The following DBX2 variants were observed in gnomAD, a reference collection of about 807,000 sequenced individuals.
DBX2 encodes the protein homeobox protein DBX2.
In DBX2, 16 loss-of-function variants were observed where a neutral mutation model predicts 17.7. The observed-to-expected ratio is 0.90, with a 90% CI of 0.61 to 1.37. The LOEUF is 1.37. DBX2 is among the 40% of genes most tolerant of loss of function. The pLI is 0.00. For synonymous variants in DBX2, 255 were observed against 183.8 expected, an observed-to-expected ratio of 1.39 and a Z score of -3.13; for missense variants, 538 against 433.8, an observed-to-expected ratio of 1.24 and a Z score of -2.13.
chr12:45,050,221 C>T (rs1391580468), intron 1 of DBX2, among the ~76,000 whole-genome samples: 1 of 152,188 alleles, frequency 6.6e-6, no homozygotes, highest in East Asian at 1.9e-4. Flanking sequence ...GCCGTAGAAC[C>T]CTCAGAGTTT....
At chr12:45,021,624 C>T (rs982012671) in intron 3 of DBX2, among the ~76,000 whole-genome samples, 1 of 152,152 alleles carries the variant, frequency 6.6e-6, no homozygotes, top group African/African-American at 2.4e-5. Context: ...CTTCTTACAC[C>T]ACTGAGTGGC....
chr12:45,020,690 T>TACAC lies in DBX2; in HGVS notation c.687+3013_687+3016dup, dbSNP rs1555141173. On this transcript the variant is annotated intron_variant, in intron 3 of 3. Coordinates refer to ENST00000332700, the MANE Select transcript of DBX2 (RefSeq NM_001004329.3). ...GTATATATATGTATATATATATATATACACACACACACACACAATTCTCAG... is the reference window on the plus strand; with the variant it reads ...GTATATATATGTATATATATATATATACACACACACACACACACACAATTCTCAG... 6.1e-5 allele frequency among the ~76,000 whole-genome samples: 9 copies of TACAC among 148,474 alleles called. No homozygotes were observed. The East Asian group carries it at 1.6e-3, about 26-fold the overall frequency.
rs368973625 is a variant in DBX2, at chr12:45,031,258, T to C, written c.499+4761A>G. Among the ~76,000 whole-genome samples, 114 of 85,452 alleles carry C rather than the reference T, an allele frequency of 1.3e-3. 1 individual carries two copies. The highest frequency in any genetic ancestry group is 2.6e-3 in the Non-Finnish European group (81 of 31,526). 56.1% of individuals were successfully genotyped at this position (85,452 alleles called of 152,430 possible). ...AGAGAGAGAGAGAGAGAGAGAGAGATGTAATTTTTGCAGATCTTAAGTTTG... is the reference window on the plus strand; with the variant it reads ...AGAGAGAGAGAGAGAGAGAGAGAGACGTAATTTTTGCAGATCTTAAGTTTG... On this transcript the variant is annotated intron_variant, in intron 2 of 3. Coordinates refer to ENST00000332700, the MANE Select transcript of DBX2 (RefSeq NM_001004329.3).
At chr12:45,023,547 C>G (rs1342290556) in intron 3 of DBX2, among the ~76,000 whole-genome samples, 160 bp downstream of exon 3, 3 of 152,146 alleles carry the variant, frequency 2.0e-5, no homozygotes, top group Non-Finnish European at 1.5e-5. Context: ...GGCTCCAGTA[C>G]CATGCCTGGT....
At chr12:45,031,191 A>AGTGTGTGTGT (rs113442613) in intron 2 of DBX2, among the ~76,000 whole-genome samples, 2,275 of 98,912 alleles carry the variant, frequency 0.023, 36 homozygotes, top group Admixed American at 0.042. Context: ...CTTATTTTCA[A>AGTGTGTGTGT]GTGTGTGTGT....
chr12:45,029,863 TAA>T (rs142217508), intron 2 of DBX2, among the ~76,000 whole-genome samples: 4 of 124,578 alleles, frequency 3.2e-5, no homozygotes, highest in Non-Finnish European at 5.0e-5. Context: ...GACTCCATCT[TAA>T]AAAAAAAATA....
At chr12:45,050,448 C>T (rs1160001055) in intron 1 of DBX2, 77 bp downstream of exon 1, 26 of 1,503,858 alleles carry the variant, frequency 1.7e-5, no homozygotes, top group Non-Finnish European at 2.0e-5. Context: ...GTGCGCACCG[C>T]CGGCGCTCCC....
intron 2 of DBX2, among the ~76,000 whole-genome samples, chr12:45,029,729 G>A (rs138246479): frequency 2.0e-5 from 3 of 151,882 alleles, no homozygotes; most frequent in African/African-American, 7.2e-5. Context: ...CAGGTGTGGC[G>A]GTGCGTGCCC....
At chr12:45,031,938 T>C (rs1434864434) in intron 2 of DBX2, among the ~76,000 whole-genome samples, 2 of 152,124 alleles carry the variant, frequency 1.3e-5, no homozygotes, top group Admixed American at 6.5e-5. Context: ...AGATTTCATG[T>C]TATGCTCAGA....
chr12:45,039,315 A>ATATC, intron 1 of DBX2, among the ~76,000 whole-genome samples: 1 of 115,650 alleles, frequency 8.6e-6, no homozygotes, highest in East Asian at 2.7e-4. Context: ...ATATATATAT[A>ATATC]TATATATGTA....
chr12:45,031,190 A>ATGTG (rs1946407127), intron 2 of DBX2, among the ~76,000 whole-genome samples: 1 of 39,750 alleles, frequency 2.5e-5, no homozygotes, highest in African/African-American at 1.0e-4. Flanking sequence ...TCTTATTTTC[A>ATGTG]AGTGTGTGTG....
intron 3 of DBX2, among the ~76,000 whole-genome samples, chr12:45,018,524 C>T (rs558682481): frequency 4.0e-4 from 61 of 152,032 alleles, no homozygotes; most frequent in African/African-American, 1.3e-3. Context: ...TCATGATAGT[C>T]TTGGGGAAAC....
chr12:45,024,710 G>A (rs772534018), intron 2 of DBX2, among the ~76,000 whole-genome samples: 5 of 152,170 alleles, frequency 3.3e-5, no homozygotes, highest in Admixed American at 3.3e-4. Context: ...GTAAGATATG[G>A]TGGAAGGGCA....
At position 45,020,837 on chromosome 12, in the gene DBX2, T is replaced by G. The variant is rs549587589; in HGVS notation, c.687+2870A>C. On this transcript the variant is annotated intron_variant, in intron 3 of 3. Transcript: ENST00000332700. ...TGCAAGTGTTTGTGTTATTATATGT[T>G]CATGCATATACAACACACATATAAA... 7.8e-4 allele frequency among the ~76,000 whole-genome samples: 119 copies of G among 152,080 alleles called. 1 individual carries two copies. Among genetic ancestry groups the G allele is most frequent in the African/African-American group, 2.6e-3 (106 of 41,500 alleles).
In DBX2 at chr12:45,016,363, T is replaced by A. The variant is rs1315240260; in HGVS notation, c.943A>T (p.Asn315Tyr). The change falls in exon 4 of 4, where the codon AAT (asparagine) becomes TAT (tyrosine). Residue 315 changes from asparagine to tyrosine, a missense_variant. Coordinates refer to ENST00000332700, the MANE Select transcript of DBX2 (RefSeq NM_001004329.3). The stretch of plus-strand genomic sequence containing the variant: ...AAATATAAGGCACCTTGCAGTGAAT[T>A]TGCTTCTGGGGGTGGTGCCCCTGAA... ...ESSGAPPPEA[N>Y]SLQGALYLCS... is the part of the protein sequence containing the mutation. 6.2e-7 allele frequency: 1 copy of A among 1,613,010 alleles called. No homozygotes were observed. The highest frequency in any genetic ancestry group is 2.2e-5 in the East Asian group (1 of 44,880).
chr12:45,049,472 G>C (rs1010778895), intron 1 of DBX2, among the ~76,000 whole-genome samples: 1 of 152,086 alleles, frequency 6.6e-6, no homozygotes, highest in African/African-American at 2.4e-5. Flanking sequence ...GTTCCATTCT[G>C]TTAGTAACCA....
Position 45,016,435 on chromosome 12 carries a change from A to G in DBX2, c.871T>C (p.Trp291Arg). ...DVPQQHSSPR[W>R]RENSPEPSER... ...GAAGGTTCTGGAGAATTCTCCCTCC[A>G]TCTTGGACTTGAGTGCTGTTGGGGG... Residue 291 changes from tryptophan to arginine, a missense_variant, in exon 4 of 4, where the codon TGG becomes CGG. Transcript: ENST00000332700. 6.2e-7 allele frequency: 1 copy of G among 1,613,976 alleles called. No homozygotes were observed. The highest frequency in any genetic ancestry group is 1.1e-5 in the South Asian group (1 of 91,070).
At chr12:45,039,738 C>T (rs976816515) in intron 1 of DBX2, among the ~76,000 whole-genome samples, 12 of 151,826 alleles carry the variant, frequency 7.9e-5, no homozygotes, top group Middle Eastern at 3.4e-3. Flanking sequence ...GAAAAAAGGA[C>T]GAGAAAAACA....
Position 45,023,724 on chromosome 12 carries a change from C to T in DBX2, c.670G>A (p.Gly224Arg). 6.2e-7 allele frequency: 1 copy of T among 1,613,974 alleles called. No homozygotes were observed. Among genetic ancestry groups the T allele is most frequent in the Non-Finnish European group, 8.5e-7 (1 of 1,179,978 alleles). The change falls in exon 3 of 4, where the codon GGA (glycine) becomes AGA (arginine). Residue 224 changes from glycine (G) to arginine (R), a missense_variant. Physicochemically the swap from Gly to Arg is moderately radical, Grantham distance 125. Coordinates refer to ENST00000332700, the MANE Select transcript of DBX2 (RefSeq NM_001004329.3). ...ATTAGTACCTGTGATTCCTTTAGTCCCAAGTTGATGGCAAGTTTCTTTCGG... is the reference window on the plus strand; with the variant it reads ...ATTAGTACCTGTGATTCCTTTAGTCTCAAGTTGATGGCAAGTTTCTTTCGG... ...TDRKKLAINL[G>R]LKESQVKIWF...
Sources: allele counts gnomAD v4.1 joint callset (sites outside exome capture counted in the v4.1 genomes callset), GRCh38; gene constraint gnomAD v4.1.1; transcripts MANE v1.5; gene names NCBI Gene and HGNC (gene_info 2026-07-23, HGNC 2026-07-21).